The following SCAI variants were observed in gnomAD, a reference collection of about 807,000 sequenced individuals.
SCAI encodes protein SCAI.
Under a neutral mutation model 92.2 loss-of-function variants are expected in SCAI, and 24 were observed. The observed-to-expected ratio is 0.26, with a 90% CI of 0.19 to 0.37. SCAI has a LOEUF of 0.37. Among genes scored for constraint, SCAI ranks in the 10% least tolerant of loss-of-function variants. The pLI is 1.00. For missense variants in SCAI, 450 were observed against 736.2 expected (o/e 0.61, Z 4.50); for synonymous variants, 261 against 258.6 (o/e 1.01, Z -0.09).
chr9:125,025,194 A>C (rs1382451134), intron 6 of SCAI, among the ~76,000 whole-genome samples: 1 of 152,226 alleles, frequency 6.6e-6, no homozygotes, highest in Admixed American at 6.5e-5. Flanking sequence ...ACACACAGCA[A>C]GGTCAAGGTT....
chr9:125,054,245 G>T (rs1345958610), intron 3 of SCAI, among the ~76,000 whole-genome samples: 1 of 152,188 alleles, frequency 6.6e-6, no homozygotes, highest in African/African-American at 2.4e-5. Flanking sequence ...GAAGTGCTGG[G>T]ATTATGGGCG....
At chr9:124,997,074 G>A (rs1832253063) in intron 13 of SCAI, among the ~76,000 whole-genome samples, 1 of 152,128 alleles carries the variant, frequency 6.6e-6, no homozygotes, top group Non-Finnish European at 1.5e-5. Flanking sequence ...CTGCTTCTGA[G>A]TGCAACTTTT....
chr9:125,042,772 C>G (rs1215106279), intron 3 of SCAI, among the ~76,000 whole-genome samples: 1 of 148,868 alleles, frequency 6.7e-6, no homozygotes, highest in African/African-American at 2.5e-5. Flanking sequence ...ATCCAATGCT[C>G]TTTTCCACCA....
intron 6 of SCAI, among the ~76,000 whole-genome samples, chr9:125,023,257 C>G (rs1435404333): frequency 6.6e-6 from 1 of 152,106 alleles, no homozygotes; most frequent in Non-Finnish European, 1.5e-5. Context: ...TTATGTCACC[C>G]AAACCAATTG....
intron 2 of SCAI, among the ~76,000 whole-genome samples, chr9:125,063,109 C>T (rs901518498): frequency 3.3e-5 from 5 of 149,700 alleles, no homozygotes; most frequent in African/African-American, 1.2e-4. Context: ...CCCACCCCCC[C>T]CAGAAAAGGG....
At position 124,951,115 on chromosome 9, in the gene SCAI, AG is replaced by A. The variant is rs1261346307; in HGVS notation, c.*1691del. 1.3e-5 allele frequency: 2 copies of A among 152,224 alleles called. No homozygotes were observed. The highest frequency in any genetic ancestry group is 1.3e-4 in the Admixed American group (2 of 15,230). The allele number at this position is 152,224 out of a possible 1,614,324, so 9.4% of individuals were successfully genotyped here. ...CCCCAAGTCCCCAAACCCCAAAAAC[AG>A]TAACTTTGGACTTCAGGTTTGAAAA... On this transcript the variant is annotated 3_prime_UTR_variant, in exon 18 of 18. Coordinates refer to ENST00000336505, the MANE Select transcript of SCAI (RefSeq NM_001144877.3).
At chr9:125,071,968 TC>T (rs1247718656) in intron 2 of SCAI, among the ~76,000 whole-genome samples, 1 of 152,006 alleles carries the variant, frequency 6.6e-6, no homozygotes, top group Non-Finnish European at 1.5e-5. Context: ...TGAATTTGTT[TC>T]AATGCCAGTG....
chr9:125,100,616 T>G (rs138813118), intron 2 of SCAI, among the ~76,000 whole-genome samples: 70 of 152,326 alleles, frequency 4.6e-4, no homozygotes, highest in African/African-American at 1.7e-3. Flanking sequence ...TAAAATGTTC[T>G]TGGACTAAAA....
At chr9:125,056,754 A>C (rs984842410) in intron 2 of SCAI, among the ~76,000 whole-genome samples, 1 of 152,200 alleles carries the variant, frequency 6.6e-6, no homozygotes, top group African/African-American at 2.4e-5. Flanking sequence ...AATTGAAAAC[A>C]ACCTAAAGGC....
intron 9 of SCAI, among the ~76,000 whole-genome samples, chr9:125,007,025 G>A (rs1480334728): frequency 6.6e-6 from 1 of 151,944 alleles, no homozygotes; most frequent in Non-Finnish European, 1.5e-5. Context: ...AGTTTGTGGT[G>A]GGAGAATCAA....
rs565206022 is a variant in SCAI, at chr9:124,985,068, T to C, written c.1327-8882A>G. On this transcript the variant is annotated intron_variant, in intron 14 of 17. Transcript: ENST00000336505. ...GCATCTGTCCAAGATGGGAATCTAA[T>C]AGAAAACTCGCCCTGCATTAAACTG... is the stretch of plus-strand genomic sequence containing the variant. Among the ~76,000 whole-genome samples the C allele has an allele frequency of 3.9e-5, 6 of 152,258 alleles. No homozygotes were observed. In the South Asian group the frequency reaches 1.0e-3, roughly 26 times the overall value.
chr9:125,000,076 T>C (rs1234769967), intron 12 of SCAI, 86 bp from the exon 13 acceptor site: 6 of 571,592 alleles, frequency 1.0e-5, no homozygotes, highest in Non-Finnish European at 1.5e-5. Context: ...TGTGTGAATC[T>C]CTCATTGATT....
chr9:124,993,799 G>T (rs1253697472), intron 14 of SCAI, among the ~76,000 whole-genome samples: 1 of 152,038 alleles, frequency 6.6e-6, no homozygotes, highest in Non-Finnish European at 1.5e-5. Flanking sequence ...ATTTTCATTG[G>T]TTTCCTGATA....
chr9:125,062,693 T>G (rs1833792957), intron 2 of SCAI, among the ~76,000 whole-genome samples: 1 of 149,400 alleles, frequency 6.7e-6, no homozygotes, highest in Non-Finnish European at 1.5e-5. Context: ...AGGCGGGGGT[T>G]GCAGTGAGCC....
chr9:125,123,514 C>T (rs1374914010), intron 2 of SCAI, among the ~76,000 whole-genome samples: 1 of 151,902 alleles, frequency 6.6e-6, no homozygotes, highest in East Asian at 1.9e-4. Flanking sequence ...TGGTGGCTCA[C>T]GCCTGTAATC....
At chr9:125,080,305 T>C (rs2810467) in intron 2 of SCAI, among the ~76,000 whole-genome samples, 65,891 of 152,002 alleles carry the variant, frequency 0.43, 14,678 homozygotes, top group East Asian at 0.53. Context: ...CAAAGTCATG[T>C]TCTTCTTCCC....
At chr9:125,135,904 G>T (rs1835511144) in intron 2 of SCAI, among the ~76,000 whole-genome samples, 1 of 148,760 alleles carries the variant, frequency 6.7e-6, no homozygotes, top group African/African-American at 2.5e-5. Context: ...AGGAGGCAGA[G>T]GCTGCAGTGA....
intron 2 of SCAI, among the ~76,000 whole-genome samples, chr9:125,111,006 A>G (rs868541731): frequency 3.3e-5 from 5 of 152,236 alleles, no homozygotes; most frequent in African/African-American, 7.2e-5. Context: ...AAAAAGAGAG[A>G]ACATTTCCCA....
At chr9:125,064,379 AAATT>A (rs1476514422) in intron 2 of SCAI, among the ~76,000 whole-genome samples, 1 of 152,178 alleles carries the variant, frequency 6.6e-6, no homozygotes, top group Non-Finnish European at 1.5e-5. Flanking sequence ...TCAAATAAAT[AAATT>A]AATTAATTAA....
Sources: allele counts gnomAD v4.1 joint callset (sites outside exome capture counted in the v4.1 genomes callset), GRCh38; gene constraint gnomAD v4.1.1; transcripts MANE v1.5; gene names NCBI Gene and HGNC (gene_info 2026-07-23, HGNC 2026-07-21).